Variants in MDN1 observed in about 807,000 individuals in gnomAD.
The protein encoded by MDN1 is midasin.
In MDN1, 266 loss-of-function variants were observed where a neutral mutation model predicts 669.2. That is an observed-to-expected ratio of 0.40 (90% confidence interval 0.36 to 0.44). MDN1 has a LOEUF of 0.44. MDN1 is among the 20% of genes least tolerant of loss of function. The pLI is 1.00. For missense variants in MDN1, 5,940 were observed against 6,754.0 expected (o/e 0.88, Z 4.22); for synonymous variants, 2,385 against 2,457.1 (o/e 0.97, Z 0.87).
chr6:89,734,696 A>AGAGAGAGAGC (rs1815834274), intron 33 of MDN1, among the ~76,000 whole-genome samples: 1 of 145,376 alleles, frequency 6.9e-6, no homozygotes, highest in Admixed American at 6.9e-5. Context: ...AAAACAAGAG[A>AGAGAGAGAGC]GAGAGAGAGA....
intron 1 of MDN1, among the ~76,000 whole-genome samples, chr6:89,817,660 A>G (rs192710146): frequency 3.9e-5 from 6 of 152,356 alleles, no homozygotes; most frequent in African/African-American, 1.2e-4. Context: ...GGCCCAGACA[A>G]TAACAACAGA....
chr6:89,711,252 T>C (rs1443459228), intron 49 of MDN1, among the ~76,000 whole-genome samples: 1 of 152,126 alleles, frequency 6.6e-6, no homozygotes, highest in Non-Finnish European at 1.5e-5. Flanking sequence ...ACGAAAGAAC[T>C]ACAAAGAAAG....
intron 52 of MDN1, 148 bp downstream of exon 52, chr6:89,707,213 C>T (rs1245251396): frequency 1.6e-6 from 1 of 622,406 alleles, no homozygotes; most frequent in Non-Finnish European, 2.8e-6. Context: ...TTAGTCATTA[C>T]TATTGAGTAA....
chr6:89,733,720 T>A (rs7752449), intron 33 of MDN1, among the ~76,000 whole-genome samples: 1 of 150,460 alleles, frequency 6.6e-6, no homozygotes, highest in Non-Finnish European at 1.5e-5. Flanking sequence ...TTAAATGCTA[T>A]TTCAACAACT....
chr6:89,794,735 A>T lies in MDN1; in HGVS notation c.396T>A (p.Asp132Glu). ...VFQRLFLESS[D>E]ANPVRYGRRR... ...TACGTCCATAGCGTACTGGATTAGC[A>T]TCTGAACTCTCTAGGAAAAGTCTTT... The change falls in exon 3 of 102, where the codon GAT becomes GAA. Residue 132 changes from aspartate to glutamate, a missense_variant. This residue lies in a region of MDN1 where 1,203 missense variants were observed against 1,268.9 expected (regional missense o/e 0.95). Transcript: ENST00000369393. 6.2e-7 allele frequency: 1 copy of T among 1,614,218 alleles called. No homozygotes were observed.
intron 26 of MDN1, among the ~76,000 whole-genome samples, chr6:89,747,727 T>TA (rs1443058381): frequency 6.7e-6 from 1 of 148,792 alleles, no homozygotes; most frequent in Non-Finnish European, 1.5e-5. Flanking sequence ...CCGTCTCTAC[T>TA]AAAAATACAA....
rs1812478483 is a variant in MDN1, at chr6:89,693,004, A to T, written c.10026T>A (p.Ala3342=). The change falls in exon 63 of 102, where the codon GCT becomes GCA. Residue 3342 remains alanine (A), a synonymous_variant. Coordinates refer to ENST00000369393, the MANE Select transcript of MDN1 (RefSeq NM_014611.3). ...HYVTSIAKAP[A]VQDLLTRLLQ... ...GAAGCCGTGTGAGCAGATCCTGAAC[A>T]GCAGGGGCCTTGGCGATGCTGGTGA... 25 of 1,614,098 alleles carry T rather than the reference A, an allele frequency of 1.5e-5. No homozygotes were observed. Among genetic ancestry groups the T allele is most frequent in the Non-Finnish European group, 2.1e-5 (25 of 1,180,044 alleles).
chr6:89,777,641 G>A (rs1361776850), intron 11 of MDN1, among the ~76,000 whole-genome samples: 2 of 152,098 alleles, frequency 1.3e-5, no homozygotes, highest in Admixed American at 1.3e-4. Context: ...CAAGACTTGT[G>A]ACTTCCCCAG....
At chr6:89,781,187 TA>T in intron 10 of MDN1, 2 of 581,922 alleles carry the variant, frequency 3.4e-6, no homozygotes, top group South Asian at 2.1e-5. Context: ...TCATTAATTA[TA>T]AATCTGAAAA....
Position 89,774,787 on chromosome 6 carries a change from T to C in MDN1, c.1822-54A>G, listed in dbSNP as rs886754344. On this transcript the variant is annotated intron_variant, in intron 12 of 101. Coordinates refer to ENST00000369393, the MANE Select transcript of MDN1 (RefSeq NM_014611.3). ...AAAATCCACATGCTTTTGGAATATT[T>C]CCTCATCCAGAGGCTTATTTTGGCC... The C allele has an allele frequency of 5.4e-6, 7 of 1,286,068 alleles. No homozygotes were observed. In the African/African-American group the frequency reaches 1.0e-4, roughly 19 times the overall value. 79.7% of individuals were successfully genotyped at this position (1,286,068 alleles called of 1,614,324 possible). A position where few individuals can be genotyped will look rare whatever the true frequency, so the allele number is the denominator to read the frequency against.
intron 90 of MDN1, 100 bp downstream of exon 90, chr6:89,658,109 C>A: frequency 7.0e-7 from 1 of 1,437,680 alleles, no homozygotes. Context: ...ACAAAATAAC[C>A]AAACATAAAC....
chr6:89,808,268 A>C (rs553609458), intron 1 of MDN1, among the ~76,000 whole-genome samples: 1 of 152,128 alleles, frequency 6.6e-6, no homozygotes, highest in East Asian at 1.9e-4. Context: ...CGGATGCTGA[A>C]CGTTGTAGAT....
At position 89,727,943 on chromosome 6, in the gene MDN1, G is replaced by A. The variant is rs1815342402; in HGVS notation, c.5362C>T (p.Leu1788=). 1.9e-6 allele frequency: 3 copies of A among 1,611,050 alleles called. No homozygotes were observed. In the African/African-American group the frequency reaches 4.0e-5, roughly 22 times the overall value. ...TCAACAGGTAGATCTGCTCCAAACAGGTCTGTGATGTCCTTTGAAAGGGGA... is the reference window on the plus strand; with the variant it reads ...TCAACAGGTAGATCTGCTCCAAACAAGTCTGTGATGTCCTTTGAAAGGGGA... ...NLSEQTDITD[L]FGADLPVEGG... The change falls in exon 37 of 102, where the codon CTG becomes TTG. Residue 1788 remains leucine (L), a synonymous_variant. Transcript: ENST00000369393.
At position 89,673,327 on chromosome 6, in the gene MDN1, T is replaced by G. The variant is rs759116301; in HGVS notation, c.13383A>C (p.Glu4461Asp). ...TTTCTCCTCTTACATATTCCAGACT[T>G]TCAACTAGTGCCATTTGTGAGTCTC... ...EQRDSQMALV[E>D]SLEYVRGEIS... Residue 4461 changes from glutamate to aspartate, a missense_variant, in exon 80 of 102, where the codon GAA becomes GAC. This residue lies in a region of MDN1 where 2,280 missense variants were observed against 2,576.3 expected (regional missense o/e 0.88). Coordinates refer to ENST00000369393, the MANE Select transcript of MDN1 (RefSeq NM_014611.3). The G allele has an allele frequency of 6.2e-7, 1 of 1,614,172 alleles. No homozygotes were observed. Among genetic ancestry groups the G allele is most frequent in the East Asian group, 2.2e-5 (1 of 44,884 alleles).
intron 9 of MDN1, among the ~76,000 whole-genome samples, chr6:89,782,474 C>A (rs1045139366): frequency 6.6e-6 from 1 of 151,794 alleles, no homozygotes; most frequent in African/African-American, 2.4e-5. Context: ...TGTAGTCAGT[C>A]CCAGGTACCT....
chr6:89,814,013 T>A (rs1768639202), intron 1 of MDN1, among the ~76,000 whole-genome samples: 1 of 151,686 alleles, frequency 6.6e-6, no homozygotes, highest in East Asian at 1.9e-4. Flanking sequence ...TAAAGTAAGA[T>A]GATCAGTTGA....
At chr6:89,711,375 T>C (rs1813903843) in intron 49 of MDN1, among the ~76,000 whole-genome samples, 1 of 152,160 alleles carries the variant, frequency 6.6e-6, no homozygotes. Flanking sequence ...ACAAAAATAA[T>C]ATAAATTTTA....
At chr6:89,766,334 G>A in intron 15 of MDN1, among the ~76,000 whole-genome samples, 1 of 150,984 alleles carries the variant, frequency 6.6e-6, no homozygotes, top group East Asian at 1.9e-4. Context: ...ATTTAAAGCT[G>A]AGCACAGTAT....
At chr6:89,756,651 G>A (rs1009383645) in intron 19 of MDN1, among the ~76,000 whole-genome samples, 7 of 152,258 alleles carry the variant, frequency 4.6e-5, no homozygotes, top group East Asian at 1.9e-4. Context: ...AGCCGGGTGC[G>A]GTGGCTCACG....
Sources: gnomAD v4.1 joint callset for allele counts (sites outside exome capture counted in the v4.1 genomes callset) on GRCh38, gnomAD v4.1.1 for gene constraint, gnomAD v4.1.1 regional missense constraint, MANE v1.5 for transcripts, NCBI Gene and HGNC (gene_info 2026-07-23, HGNC 2026-07-21) for gene names.